Variants in KAT6B observed in about 807,000 individuals in gnomAD.
KAT6B encodes histone acetyltransferase KAT6B.
KAT6B carries 10 observed loss-of-function variants against 187.5 expected under a neutral mutation model. The ratio of observed to expected loss-of-function variants is 0.05; its 90% CI spans 0.03 to 0.09. KAT6B has a LOEUF of 0.09. Among genes scored for constraint, KAT6B ranks in the 10% least tolerant of loss-of-function variants. KAT6B has a pLI of 1.00. For synonymous variants in KAT6B, 861 were observed against 926.8 expected (o/e 0.93, Z 1.29); for missense variants, 1,952 against 2,558.9 (o/e 0.76, Z 5.12).
intron 3 of KAT6B, 54 bp downstream of exon 3, chr10:74,843,532 C>G: frequency 6.2e-7 from 1 of 1,602,198 alleles, no homozygotes; most frequent in Non-Finnish European, 8.5e-7. Context: ...TTGTCTTTTA[C>G]GGTTTCACTT....
chr10:74,836,174 G>C (rs1328192588), intron 1 of KAT6B, among the ~76,000 whole-genome samples: 2 of 152,172 alleles, frequency 1.3e-5, no homozygotes, highest in African/African-American at 2.4e-5. Flanking sequence ...TAGTTGTATA[G>C]TATTCTAGTG....
At chr10:75,002,364 T>C (rs1020024995) in intron 13 of KAT6B, among the ~76,000 whole-genome samples, 2 of 149,168 alleles carry the variant, frequency 1.3e-5, no homozygotes, top group Non-Finnish European at 3.0e-5. Flanking sequence ...TCTCTCTTTT[T>C]AGTGGCACTA....
intron 3 of KAT6B, among the ~76,000 whole-genome samples, chr10:74,875,754 C>G (rs1282484257): frequency 6.6e-6 from 1 of 152,250 alleles, no homozygotes; most frequent in Non-Finnish European, 1.5e-5. Context: ...GCATGAGCCA[C>G]TGTGCCCAGC....
rs773808647 is a variant in KAT6B at position 75,029,230 on chromosome 10, C to T, written c.4406C>T (p.Ser1469Leu). The change falls in exon 18 of 18, where the codon TCG becomes TTG. Residue 1469 changes from serine (S) to leucine (L), a missense_variant. Ser to Leu is a moderately radical substitution (Grantham distance 145). Transcript: ENST00000287239. The surrounding 1 kb of genome is among the most constrained non-coding windows in gnomAD (Gnocchi z 6.2). The part of the protein sequence containing the change: ...FLDLNVQPGH[S>L]NPEVLMDCGV... ...GACCTTAATGTGCAGCCTGGTCACT[C>T]GAACCCAGAGGTCTTAATGGACTGT... 10 of 1,614,012 alleles carry T rather than the reference C, an allele frequency of 6.2e-6. No homozygotes were observed. The highest frequency in any genetic ancestry group is 2.7e-5 in the African/African-American group (2 of 74,892).
At chr10:75,020,525 G>A (rs555100783) in intron 13 of KAT6B, 57 bp from the exon 14 acceptor site, 31 of 1,232,520 alleles carry the variant, frequency 2.5e-5, no homozygotes, top group Non-Finnish European at 3.5e-5. Flanking sequence ...AGTGGCTCCT[G>A]TTCTAAGCTC....
chr10:75,014,507 T>A (rs1246937476), intron 13 of KAT6B, among the ~76,000 whole-genome samples: 2 of 152,224 alleles, frequency 1.3e-5, no homozygotes, highest in African/African-American at 2.4e-5. Context: ...TATCGTTATC[T>A]TTTAGATGAA....
chr10:74,859,895 G>A (rs1161784000), intron 3 of KAT6B, among the ~76,000 whole-genome samples: 1 of 152,178 alleles, frequency 6.6e-6, no homozygotes, highest in Non-Finnish European at 1.5e-5. Context: ...TTGGTTAGCA[G>A]TAAATCTTGC....
chr10:74,893,820 A>G (rs191853826), intron 3 of KAT6B, among the ~76,000 whole-genome samples: 124 of 152,134 alleles, frequency 8.2e-4, no homozygotes, highest in African/African-American at 2.9e-3. Context: ...TTCCATGATG[A>G]CAAAATCAAT....
chr10:74,829,253 G>T (rs1432305598), intron 1 of KAT6B, among the ~76,000 whole-genome samples: 1 of 152,164 alleles, frequency 6.6e-6, no homozygotes, highest in Non-Finnish European at 1.5e-5. Context: ...TGAATGAAAG[G>T]TAAATAGCAT....
rs977952832 is a variant in KAT6B at position 74,850,582 on chromosome 10, G to A, written c.621+7104G>A. Among the ~76,000 whole-genome samples, 4 of 152,114 alleles carry A rather than the reference G, an allele frequency of 2.6e-5. 1 individual carries two copies. Among genetic ancestry groups the A allele is most frequent in the South Asian group, 4.1e-4 (2 of 4,830 alleles). On this transcript the variant is annotated intron_variant, in intron 3 of 17. Coordinates refer to ENST00000287239, the MANE Select transcript of KAT6B (RefSeq NM_012330.4). Reference sequence around the variant, plus strand: ...GTATTTATTTAAGAAAGCTCTCTTCGGTGAGGTGATATGGAAATGAATTAA... The same window carrying A: ...GTATTTATTTAAGAAAGCTCTCTTCAGTGAGGTGATATGGAAATGAATTAA...
At chr10:74,881,065 A>G (rs540139750) in intron 3 of KAT6B, among the ~76,000 whole-genome samples, 2 of 151,858 alleles carry the variant, frequency 1.3e-5, no homozygotes, top group Admixed American at 6.6e-5. Context: ...CTGGGACTAC[A>G]GGTGCAGCTA....
chr10:75,002,717 T>TGG, intron 13 of KAT6B, among the ~76,000 whole-genome samples: 1 of 152,176 alleles, frequency 6.6e-6, no homozygotes, highest in Admixed American at 6.5e-5. Context: ...ATAGAAAAGG[T>TGG]ACAGTAAAAA....
chr10:75,021,433 T>C (rs1004976602), intron 15 of KAT6B, 148 bp downstream of exon 15: 2 of 733,338 alleles, frequency 2.7e-6, no homozygotes, highest in East Asian at 2.7e-5. Context: ...CTAACTGAGG[T>C]TGCATGGTAA....
intron 13 of KAT6B, among the ~76,000 whole-genome samples, chr10:74,999,420 G>C (rs1843675668): frequency 6.6e-6 from 1 of 152,202 alleles, no homozygotes; most frequent in South Asian, 2.1e-4. Flanking sequence ...ATGTGGGTGA[G>C]GGCAACCAGG....
rs548210271 is a variant in KAT6B, at chr10:74,959,899, G to A, written c.622-71G>A. ...AAGCTTTAAGTGAAAAATGTAAAAA[G>A]CTTTTGATTTTAATGTTTTTACTTT... On this transcript the variant is annotated intron_variant, in intron 3 of 17. Coordinates refer to ENST00000287239, the MANE Select transcript of KAT6B (RefSeq NM_012330.4). 6.7e-6 allele frequency: 7 copies of A among 1,045,370 alleles called. No individual in the cohort carries two copies. In the Admixed American group the frequency reaches 1.0e-4, roughly 16 times the overall value. 64.8% of individuals were successfully genotyped at this position (1,045,370 alleles called of 1,614,324 possible).
At chr10:75,019,881 T>C (rs1845261294) in intron 13 of KAT6B, among the ~76,000 whole-genome samples, 1 of 151,590 alleles carries the variant, frequency 6.6e-6, no homozygotes, top group Non-Finnish European at 1.5e-5. Context: ...ATACATGCAA[T>C]AGGTTGTTTT....
intron 3 of KAT6B, among the ~76,000 whole-genome samples, chr10:74,863,319 A>G (rs977655770): frequency 2.0e-5 from 3 of 151,976 alleles, no homozygotes; most frequent in African/African-American, 7.2e-5. Flanking sequence ...CATATTCTTG[A>G]TTATTCTTTG....
Position 75,020,613 on chromosome 10 carries a change from A to G in KAT6B, c.2661A>G (p.Ala887=). Residue 887 remains alanine (A), a synonymous_variant, in exon 14 of 18, where the codon GCA becomes GCG. Transcript: ENST00000287239. ...SYLLSRREGQ[A]GSPEKPLSDL... is the part of the protein sequence containing the mutation. ...TGCTTTCTAGAAGAGAAGGCCAAGC[A>G]GGGTCTCCTGAAAAGCCTCTCTCCG... The G allele has an allele frequency of 6.2e-7, 1 of 1,614,226 alleles. No homozygotes were observed. Among genetic ancestry groups the G allele is most frequent in the South Asian group, 1.1e-5 (1 of 91,084 alleles).
At chr10:74,831,096 C>T (rs1840822520) in intron 1 of KAT6B, among the ~76,000 whole-genome samples, 1 of 151,992 alleles carries the variant, frequency 6.6e-6, no homozygotes, top group African/African-American at 2.4e-5. Context: ...GCCAGCTCTT[C>T]ATATACTTTT....
Sources: gnomAD v4.1 joint callset for allele counts (sites outside exome capture counted in the v4.1 genomes callset) on GRCh38, gnomAD v4.1.1 for gene constraint, Gnocchi (gnomAD v3.1) non-coding constraint, MANE v1.5 for transcripts, NCBI Gene and HGNC (gene_info 2026-07-23, HGNC 2026-07-21) for gene names.